Variants in MYO9A observed in about 807,000 individuals in gnomAD.
MYO9A encodes myosin IXA, also known as unconventional myosin-IXa.
A neutral mutation model predicts 293.3 loss-of-function variants in MYO9A; 103 were observed. The observed-to-expected ratio is 0.35, with a 90% CI of 0.30 to 0.41. MYO9A has a LOEUF of 0.41. Among genes scored for constraint, MYO9A ranks in the 10% least tolerant of loss-of-function variants. MYO9A has a pLI of 1.00. For synonymous variants in MYO9A, 1,001 were observed against 1,035.7 expected, an observed-to-expected ratio of 0.97 and a Z score of 0.64; for missense variants, 2,685 against 3,033.0, an observed-to-expected ratio of 0.89 and a Z score of 2.69.
chr15:71,992,027 T>C (rs2076555951), intron 10 of MYO9A, among the ~76,000 whole-genome samples: 1 of 152,132 alleles, frequency 6.6e-6, no homozygotes, highest in African/African-American at 2.4e-5. Flanking sequence ...AGTGCTGGGA[T>C]TACAGGCGTG....
chr15:71,824,869 G>C lies in MYO9A; in HGVS notation c.*1711C>G, dbSNP rs2054406313. On this transcript the variant is annotated 3_prime_UTR_variant, in exon 42 of 42. Transcript: ENST00000356056. The stretch of plus-strand genomic sequence containing the variant: ...GCTCCAAGTCTAACCTCTGGGGCTG[G>C]CCAATAACCACTGAGGCAGTGGCGT... The C allele has an allele frequency of 6.6e-6, 1 of 152,158 alleles. No homozygotes were observed. The highest frequency in any genetic ancestry group is 2.1e-4 in the South Asian group (1 of 4,832). 9.4% of individuals were successfully genotyped at this position (152,158 alleles called of 1,614,324 possible).
At chr15:71,872,413 G>A (rs796437003) in intron 32 of MYO9A, among the ~76,000 whole-genome samples, 14 of 152,048 alleles carry the variant, frequency 9.2e-5, no homozygotes, top group African/African-American at 3.1e-4. Context: ...TAATATTAAA[G>A]TTGTTTTCAT....
In MYO9A at chr15:71,880,447, C is replaced by G. The variant is rs750435684; in HGVS notation, c.5510G>C (p.Ser1837Thr). The G allele has an allele frequency of 1.2e-6, 2 of 1,614,230 alleles. No individual in the cohort carries two copies. The highest frequency in any genetic ancestry group is 1.7e-6 in the Non-Finnish European group (2 of 1,180,026). Residue 1837 changes from serine (S) to threonine (T), a missense_variant, in exon 29 of 42, where the codon AGT becomes ACT. By Grantham distance (58) the Ser-to-Thr change is moderately conservative. This residue lies in a region of MYO9A where 1,434 missense variants were observed against 1,497.7 expected (regional missense o/e 0.96). Transcript: ENST00000356056. Reference sequence around the variant, plus strand: ...CAAAGCCACGTTGCTAATCTTCACACTTCGCTTGCGCTTAGCCTTTGGAGA... The same window carrying G: ...CAAAGCCACGTTGCTAATCTTCACAGTTCGCTTGCGCTTAGCCTTTGGAGA... Reference protein sequence around the residue: ...EPSPKAKRKRSVKISNVALDS... With the variant: ...EPSPKAKRKRTVKISNVALDS...
At chr15:72,057,644 C>G (rs1039424667) in intron 1 of MYO9A, among the ~76,000 whole-genome samples, 6 of 152,222 alleles carry the variant, frequency 3.9e-5, no homozygotes, top group African/African-American at 1.4e-4. Context: ...TTTGCTGCAA[C>G]TGTCGGAAAA....
rs761777650 is a variant in MYO9A at position 71,898,947 on chromosome 15, T to C, written c.3556A>G (p.Ile1186Val). Residue 1186 changes from isoleucine (I) to valine (V), a missense_variant, in exon 25 of 42, where the codon ATT becomes GTT. Transcript: ENST00000356056. Reference sequence around the variant, plus strand: ...CATCCTGAAGGGTCTGAACCCTGAATTTCCAGAGATCCATATCCCTTAATA... The same window carrying C: ...CATCCTGAAGGGTCTGAACCCTGAACTTCCAGAGATCCATATCCCTTAATA... Reference protein sequence around the residue: ...VNIKGYGSLEIQGSDPSGWED... With the variant: ...VNIKGYGSLEVQGSDPSGWED... 3.1e-6 allele frequency: 5 copies of C among 1,613,990 alleles called. No individual in the cohort carries two copies. Among genetic ancestry groups the C allele is most frequent in the Middle Eastern group, 1.6e-4 (1 of 6,084 alleles).
At chr15:71,948,416 T>C (rs1433846208) in intron 15 of MYO9A, among the ~76,000 whole-genome samples, 1 of 152,228 alleles carries the variant, frequency 6.6e-6, no homozygotes, top group Non-Finnish European at 1.5e-5. Flanking sequence ...ATGGCTTATA[T>C]AGTTTTTAAC....
At chr15:72,038,052 G>A (rs2078110508) in intron 2 of MYO9A, among the ~76,000 whole-genome samples, 1 of 151,990 alleles carries the variant, frequency 6.6e-6, no homozygotes, top group South Asian at 2.1e-4. Flanking sequence ...CAGTAGCTGG[G>A]ACTACAGGTG....
Position 71,858,980 on chromosome 15 carries a change from G to T in MYO9A, c.6153+755C>A, listed in dbSNP as rs144599679. Among the ~76,000 whole-genome samples, 78 of 152,192 alleles carry T rather than the reference G, an allele frequency of 5.1e-4. 2 individuals carry two copies. The East Asian group carries it at 0.014, about 27-fold the overall frequency. On this transcript the variant is annotated intron_variant, in intron 34 of 41. Coordinates refer to ENST00000356056, the MANE Select transcript of MYO9A (RefSeq NM_006901.4). Reference sequence around the variant, plus strand: ...GTACAATTTGCCTGTGCAGCTCCCTGATGCTTGCCAACAAACTTTTTTAGT... The same window carrying T: ...GTACAATTTGCCTGTGCAGCTCCCTTATGCTTGCCAACAAACTTTTTTAGT...
intron 14 of MYO9A, chr15:71,953,775 T>C (rs1444773012): frequency 6.6e-6 from 1 of 152,192 alleles, no homozygotes; most frequent in Non-Finnish European, 1.5e-5. Context: ...TATTCCCTGT[T>C]TGTTTTATGT....
In MYO9A at chr15:71,898,124, T is replaced by C. The variant is rs777295592; in HGVS notation, c.4379A>G (p.Asn1460Ser). The C allele has an allele frequency of 6.2e-7, 1 of 1,614,166 alleles. No individual in the cohort carries two copies. Among genetic ancestry groups the C allele is most frequent in the Non-Finnish European group, 8.5e-7 (1 of 1,180,034 alleles). The change falls in exon 25 of 42, where the codon AAC becomes AGC. Residue 1460 changes from asparagine to serine, a missense_variant. Around this residue, in one of 10 missense-constraint regions of MYO9A, gnomAD observed 1,434 missense variants for 1,497.7 expected, o/e 0.96. Transcript: ENST00000356056. ...TAGEALTLDI[N>S]RETRRYHCSG... is the part of the protein sequence containing the mutation. The stretch of plus-strand genomic sequence containing the variant: ...GCAGTGATACCTTCTAGTTTCCCTG[T>C]TGATATCCAAAGTAAGAGCTTCCCC...
chr15:72,070,296 A>C (rs572720514), intron 1 of MYO9A, among the ~76,000 whole-genome samples: 2 of 151,350 alleles, frequency 1.3e-5, no homozygotes, highest in African/African-American at 2.4e-5. Flanking sequence ...ACAAAAAAAA[A>C]ACAAAAAACT....
intron 1 of MYO9A, among the ~76,000 whole-genome samples, chr15:72,068,486 C>CTTTTTTTTTT (rs11345971): frequency 6.9e-6 from 1 of 144,546 alleles, no homozygotes. Context: ...CCCAATTTCT[C>CTTTTTTTTTT]TTTTTTTTTT....
intron 13 of MYO9A, 40 bp from the exon 14 acceptor site, chr15:71,960,136 A>G: frequency 6.4e-7 from 1 of 1,566,218 alleles, no homozygotes; most frequent in East Asian, 2.2e-5. Context: ...TGGGAAAAAA[A>G]AATTATGAAA....
rs561105124 is a variant in MYO9A at position 72,021,873 on chromosome 15, C to T, written c.999-856G>A. Reference sequence around the variant, plus strand: ...ACAGATGAAATATAAACTCTCACCTCTGGTTAACTTTGAAACCCTGCACAA... The same window carrying T: ...ACAGATGAAATATAAACTCTCACCTTTGGTTAACTTTGAAACCCTGCACAA... On this transcript the variant is annotated intron_variant, in intron 4 of 41. Transcript: ENST00000356056. Among the ~76,000 whole-genome samples the T allele has an allele frequency of 9.9e-5, 15 of 152,210 alleles. No homozygotes were observed. In the East Asian group the frequency reaches 2.9e-3, roughly 29 times the overall value.
intron 32 of MYO9A, among the ~76,000 whole-genome samples, chr15:71,869,274 G>A (rs1194371686): frequency 6.6e-6 from 1 of 151,974 alleles, no homozygotes; most frequent in Non-Finnish European, 1.5e-5. Context: ...AACCACAATA[G>A]GACAAATAGA....
intron 1 of MYO9A, among the ~76,000 whole-genome samples, chr15:72,091,864 G>A (rs561970247): frequency 1.3e-4 from 20 of 151,872 alleles, no homozygotes; most frequent in Admixed American, 1.1e-3. Context: ...ACAGGTGCCC[G>A]CCACCACGCC....
At chr15:71,937,167 A>G (rs1168431083) in intron 16 of MYO9A, among the ~76,000 whole-genome samples, 1 of 152,136 alleles carries the variant, frequency 6.6e-6, no homozygotes, top group African/African-American at 2.4e-5. Context: ...TTCTTTTAAA[A>G]AAAGAAAACA....
At chr15:71,920,853 AC>A (rs1301616008) in intron 18 of MYO9A, among the ~76,000 whole-genome samples, 1 of 152,102 alleles carries the variant, frequency 6.6e-6, no homozygotes, top group African/African-American at 2.4e-5. Context: ...TGGCTGGGGC[AC>A]AAGAACTGCT....
intron 1 of MYO9A, among the ~76,000 whole-genome samples, chr15:72,082,560 C>T (rs1408926371): frequency 6.6e-6 from 1 of 152,014 alleles, no homozygotes; most frequent in Non-Finnish European, 1.5e-5. Context: ...ATTCCTCTGG[C>T]CAGGACTTCC....
Sources: gnomAD v4.1 joint callset for allele counts (sites outside exome capture counted in the v4.1 genomes callset) on GRCh38, gnomAD v4.1.1 for gene constraint, gnomAD v4.1.1 regional missense constraint, MANE v1.5 for transcripts, NCBI Gene and HGNC (gene_info 2026-07-23, HGNC 2026-07-21) for gene names.